LEPR: variants seen among roughly 807,000 people sequenced by gnomAD.
The protein encoded by LEPR is leptin receptor, also known as OB receptor.
LEPR carries 56 observed loss-of-function variants against 114.7 expected under a neutral mutation model. The ratio of observed to expected loss-of-function variants is 0.49; its 90% CI spans 0.39 to 0.61. The LOEUF is 0.61. LEPR is among the 20% of genes least tolerant of loss of function. The probability of loss-of-function intolerance (pLI) is 0.00; values close to 1 mark genes in which losing one functional copy is unlikely to be tolerated. For missense variants in LEPR, 1,202 were observed against 1,352.9 expected (o/e 0.89, Z 1.75); for synonymous variants, 443 against 461.4 (o/e 0.96, Z 0.51).
At chr1:65,597,641 C>T (rs989896264) in intron 7 of LEPR, among the ~76,000 whole-genome samples, 10 of 152,004 alleles carry the variant, frequency 6.6e-5, no homozygotes, top group Admixed American at 5.9e-4. Context: ...AATTCAGAGG[C>T]CAGCAGGGGA....
In LEPR at chr1:65,572,347, G is replaced by A; in HGVS notation, c.392G>A (p.Cys131Tyr). The A allele has an allele frequency of 5.0e-6, 7 of 1,404,402 alleles. No individual in the cohort carries two copies. The highest frequency in any genetic ancestry group is 2.7e-5 in the East Asian group (1 of 37,570). The allele number at this position is 1,404,402 out of a possible 1,614,324, so 87.0% of individuals were successfully genotyped here. Reference sequence around the variant, plus strand: ...TCAGATGCAAACTGGAACATACAGTGCTGGCTAAAAGGAGACTTAAAATTA... The same window carrying A: ...TCAGATGCAAACTGGAACATACAGTACTGGCTAAAAGGAGACTTAAAATTA... Reference protein sequence around the residue: ...QQIDANWNIQCWLKGDLKLFI... With the variant: ...QQIDANWNIQYWLKGDLKLFI... Residue 131 changes from cysteine (C) to tyrosine (Y), a missense_variant, in exon 5 of 20, where the codon TGC becomes TAC. Coordinates refer to ENST00000349533, the MANE Select transcript of LEPR (RefSeq NM_002303.6).
intron 2 of LEPR, among the ~76,000 whole-genome samples, chr1:65,512,816 A>T (rs542078815): frequency 7.9e-5 from 12 of 152,344 alleles, no homozygotes; most frequent in African/African-American, 2.9e-4. Context: ...ATCATCTAGT[A>T]AAACAGGATC....
rs1226626771 is a variant in LEPR, at chr1:65,598,095, C to CTTTTTT, written c.850-550_850-545dup. Among the ~76,000 whole-genome samples the CTTTTTT allele has an allele frequency of 9.9e-5, 10 of 101,478 alleles. 1 individual carries two copies. The highest frequency in any genetic ancestry group is 3.0e-4 in the Admixed American group (3 of 10,146). 66.6% of individuals were successfully genotyped at this position (101,478 alleles called of 152,430 possible). On this transcript the variant is annotated intron_variant, in intron 7 of 19. Coordinates refer to ENST00000349533, the MANE Select transcript of LEPR (RefSeq NM_002303.6). ...CTAGGCTCAAGTGATCCTCCTGCCT[C>CTTTTTT]TTTTTTTTTTTTTTTTTTTTAAGAG...
chr1:65,481,461 A>G (rs1357084599), intron 2 of LEPR, among the ~76,000 whole-genome samples: 10 of 152,158 alleles, frequency 6.6e-5, no homozygotes, highest in Admixed American at 6.6e-4. Context: ...TTCCTAGTAG[A>G]TAGAGACTGT....
intron 19 of LEPR, among the ~76,000 whole-genome samples, chr1:65,630,706 G>A (rs903308234): frequency 2.6e-5 from 4 of 151,772 alleles, no homozygotes; most frequent in African/African-American, 9.7e-5. Flanking sequence ...TTGTGTGTGT[G>A]TGTGTGTGTG....
At chr1:65,597,616 C>A (rs1570781755) in intron 7 of LEPR, among the ~76,000 whole-genome samples, 1 of 152,068 alleles carries the variant, frequency 6.6e-6, no homozygotes, top group East Asian at 1.9e-4. Flanking sequence ...GTGAAGGTGA[C>A]AGCAGTAGTG....
chr1:65,462,011 C>T (rs1452181214), intron 2 of LEPR, among the ~76,000 whole-genome samples: 2 of 152,174 alleles, frequency 1.3e-5, no homozygotes, highest in Admixed American at 6.5e-5. Flanking sequence ...TATTATTATA[C>T]ATTAAGTTCT....
At chr1:65,553,042 C>T (rs1259160224) in intron 2 of LEPR, among the ~76,000 whole-genome samples, 2 of 152,278 alleles carry the variant, frequency 1.3e-5, no homozygotes, top group East Asian at 1.9e-4. Context: ...TGAATATTGG[C>T]CCCCACTCTC....
intron 2 of LEPR, among the ~76,000 whole-genome samples, chr1:65,488,137 C>CTCCTT (rs1647604226): frequency 8.0e-6 from 1 of 124,352 alleles, no homozygotes; most frequent in South Asian, 2.8e-4. Context: ...TTCCCTCCCT[C>CTCCTT]CCTCTCCTTC....
chr1:65,575,064 A>G (rs1570731519), intron 5 of LEPR, among the ~76,000 whole-genome samples: 1 of 152,274 alleles, frequency 6.6e-6, no homozygotes, highest in East Asian at 1.9e-4. Context: ...GAGAATATGA[A>G]AAAAACCTGG....
intron 2 of LEPR, among the ~76,000 whole-genome samples, chr1:65,517,024 T>C (rs1649321701): frequency 6.6e-6 from 1 of 152,240 alleles, no homozygotes; most frequent in African/African-American, 2.4e-5. Context: ...AAATCTCTCA[T>C]TAAATTTTAG....
chr1:65,467,837 T>C (rs956240938), intron 2 of LEPR, among the ~76,000 whole-genome samples: 9 of 152,228 alleles, frequency 5.9e-5, no homozygotes, highest in Non-Finnish European at 8.8e-5. Context: ...GTGTGGGACC[T>C]GCTGAGCCAG....
chr1:65,591,564 AT>A (rs1377235634), intron 5 of LEPR, among the ~76,000 whole-genome samples: 13 of 152,010 alleles, frequency 8.6e-5, no homozygotes, highest in Admixed American at 2.0e-4. Flanking sequence ...TCCCTTTTTC[AT>A]TATGAAATGA....
intron 5 of LEPR, among the ~76,000 whole-genome samples, chr1:65,591,443 G>T (rs763388767): frequency 1.3e-4 from 20 of 151,976 alleles, no homozygotes; most frequent in Non-Finnish European, 2.2e-4. Context: ...AATAATTGTG[G>T]ATTAGTCTAT....
chr1:65,432,872 C>A (rs1646505724), intron 2 of LEPR: 1 of 784,806 alleles, frequency 1.3e-6, no homozygotes, highest in Non-Finnish European at 1.5e-6. Context: ...ATCATTCCAC[C>A]TTATATTCAA....
intron 2 of LEPR, among the ~76,000 whole-genome samples, chr1:65,472,172 G>T (rs1647092273): frequency 6.6e-6 from 1 of 151,502 alleles, no homozygotes; most frequent in African/African-American, 2.4e-5. Flanking sequence ...TATCTAGAAG[G>T]TATTACCAAA....
intron 19 of LEPR, among the ~76,000 whole-genome samples, chr1:65,631,918 T>C (rs1224098426): frequency 6.6e-6 from 1 of 152,214 alleles, no homozygotes; most frequent in Admixed American, 6.5e-5. Flanking sequence ...TTCAATTTGT[T>C]CCACTCCTTT....
At chr1:65,566,691 T>C (rs1653786175) in intron 3 of LEPR, among the ~76,000 whole-genome samples, 1 of 152,218 alleles carries the variant, frequency 6.6e-6, no homozygotes, top group African/African-American at 2.4e-5. Flanking sequence ...TTAACAAAAC[T>C]TATGTTGTGG....
In LEPR at chr1:65,636,327, C is replaced by T. The variant is rs1658716424; in HGVS notation, c.2810C>T (p.Thr937Ile). The change falls in exon 20 of 20, where the codon ACA becomes ATA. Residue 937 changes from threonine (T) to isoleucine (I), a missense_variant. Transcript: ENST00000349533. ...AAAAATAAAGATGAGATGATGCCAA[C>T]AACTGTGGTCTCTCTACTTTCAACA... ...SWKNKDEMMP[T>I]TVVSLLSTTD... 5.0e-6 allele frequency: 8 copies of T among 1,613,914 alleles called. No homozygotes were observed. In the Admixed American group the frequency reaches 6.7e-5, roughly 13 times the overall value.
Sources: allele counts gnomAD v4.1 joint callset (sites outside exome capture counted in the v4.1 genomes callset), GRCh38; gene constraint gnomAD v4.1.1; transcripts MANE v1.5; gene names NCBI Gene and HGNC (gene_info 2026-07-23, HGNC 2026-07-21).